The following MAP2K5 variants were observed in gnomAD, a reference collection of about 807,000 sequenced individuals.
MAP2K5 encodes the protein mitogen-activated protein kinase kinase 5, also known as dual specificity mitogen-activated protein kinase kinase 5.
MAP2K5 carries 49 observed loss-of-function variants against 83.1 expected under a neutral mutation model. That is an observed-to-expected ratio of 0.59 (90% CI 0.47 to 0.75). The LOEUF (loss-of-function observed/expected upper bound fraction) is 0.75. Ranked by LOEUF, MAP2K5 falls within the 30% of genes least tolerant of loss-of-function variation. MAP2K5 has a pLI of 0.00. For missense variants in MAP2K5, 457 were observed against 557.5 expected, an observed-to-expected ratio of 0.82 and a Z score of 1.82; for synonymous variants, 202 against 191.8, an observed-to-expected ratio of 1.05 and a Z score of -0.44.
At position 67,714,413 on chromosome 15, in the gene MAP2K5, G is replaced by GAAAA. The variant is rs2088777375; in HGVS notation, c.1044+11005_1044+11006insAAAA. ...CCCCCCACCCCTACCCAGCTGCCAG[G>GAAAA]GAAAAAAAAAAAAAAAAAAAAAAAA... On this transcript the variant is annotated intron_variant, in intron 16 of 21. Transcript: ENST00000178640. 1.4e-3 allele frequency among the ~76,000 whole-genome samples: 60 copies of GAAAA among 42,682 alleles called. 24 individuals carry two copies. Among genetic ancestry groups the GAAAA allele is most frequent in the African/African-American group, 4.5e-3 (57 of 12,740 alleles). The allele number at this position is 42,682 out of a possible 152,430, so 28.0% of individuals were successfully genotyped here. A position where few individuals can be genotyped will look rare whatever the true frequency, so the allele number is the denominator to read the frequency against.
rs1337264102 is a variant in MAP2K5 at position 67,640,259 on chromosome 15, A to G, written c.586-5972A>G. Among the ~76,000 whole-genome samples the G allele has an allele frequency of 6.6e-6, 1 of 152,162 alleles. No individual in the cohort carries two copies. Among genetic ancestry groups the G allele is most frequent in the Non-Finnish European group, 1.5e-5 (1 of 68,024 alleles). Reference sequence around the variant, plus strand: ...TGTTCTTCTGTTTGTTCTTTAGTTCATTCATCTTTTAAAGTAACATCTTGA... The same window carrying G: ...TGTTCTTCTGTTTGTTCTTTAGTTCGTTCATCTTTTAAAGTAACATCTTGA... On this transcript the variant is annotated intron_variant, in intron 9 of 21. Coordinates refer to ENST00000178640, the MANE Select transcript of MAP2K5 (RefSeq NM_145160.3). This position sits in a 1 kb window ranked among gnomAD's most constrained non-coding sequence, Gnocchi z 4.6.
chr15:67,741,486 T>C (rs1374142481), intron 17 of MAP2K5, among the ~76,000 whole-genome samples: 3 of 152,188 alleles, frequency 2.0e-5, no homozygotes, highest in Admixed American at 2.0e-4. Context: ...AGCAGGTCTC[T>C]TTTCCTCAGA....
intron 19 of MAP2K5, among the ~76,000 whole-genome samples, chr15:67,756,650 A>G (rs2089844014): frequency 6.6e-6 from 1 of 151,930 alleles, no homozygotes; most frequent in Admixed American, 6.6e-5. Flanking sequence ...TATTTATCTT[A>G]TAAAAGTAAG....
In MAP2K5 at chr15:67,748,405, A is replaced by G. The variant is rs1043184285; in HGVS notation, c.1101+148A>G. ...AACTGCCTGTATTAGATTAGGTACC[A>G]TTAGAAATAATAGAACCTCCTGAGC... On this transcript the variant is annotated intron_variant, in intron 18 of 21. Coordinates refer to ENST00000178640, the MANE Select transcript of MAP2K5 (RefSeq NM_145160.3). This position sits in a 1 kb window ranked among gnomAD's most constrained non-coding sequence, Gnocchi z 4.0. 3.6e-6 allele frequency: 3 copies of G among 825,464 alleles called. No homozygotes were observed. Among genetic ancestry groups the G allele is most frequent in the Non-Finnish European group, 5.9e-6 (3 of 508,018 alleles). The allele number at this position is 825,464 out of a possible 1,614,324, so 51.1% of individuals were successfully genotyped here. A position where few individuals can be genotyped will look rare whatever the true frequency, so the allele number is the denominator to read the frequency against.
intron 11 of MAP2K5, among the ~76,000 whole-genome samples, chr15:67,647,018 G>A (rs1304383240): frequency 3.3e-5 from 5 of 151,586 alleles, no homozygotes; most frequent in East Asian, 3.9e-4. Flanking sequence ...TGAATATTAC[G>A]GCAAAATACA....
chr15:67,667,492 TG>T (rs2141159175), intron 13 of MAP2K5, among the ~76,000 whole-genome samples: 2 of 152,220 alleles, frequency 1.3e-5, no homozygotes, highest in Admixed American at 1.3e-4. Flanking sequence ...CTGCAGGGGC[TG>T]GGGGAGCCTG....
At chr15:67,594,772 G>C (rs1246622464) in intron 7 of MAP2K5, among the ~76,000 whole-genome samples, 7 of 151,482 alleles carry the variant, frequency 4.6e-5, no homozygotes, top group Admixed American at 3.3e-4. Context: ...TTCTTTATAA[G>C]GATTAGCCTT....
chr15:67,736,286 T>G lies in MAP2K5; in HGVS notation c.1074+8341T>G, dbSNP rs112766168. On this transcript the variant is annotated intron_variant, in intron 17 of 21. Coordinates refer to ENST00000178640, the MANE Select transcript of MAP2K5 (RefSeq NM_145160.3). The surrounding 1 kb of genome is among the most constrained non-coding windows in gnomAD (Gnocchi z 4.3). ...TCATTGCATTTTAAGGTCTCTGCCCTTGAGGACAGTTGGCACATGCCCCTG... is the reference window on the plus strand; with the variant it reads ...TCATTGCATTTTAAGGTCTCTGCCCGTGAGGACAGTTGGCACATGCCCCTG... Among the ~76,000 whole-genome samples, 16 of 152,360 alleles carry G rather than the reference T, an allele frequency of 1.1e-4. No individual in the cohort carries two copies. The highest frequency in any genetic ancestry group is 1.2e-4 in the Non-Finnish European group (8 of 68,034).
chr15:67,772,930 T>C (rs942212872), intron 21 of MAP2K5, among the ~76,000 whole-genome samples, 178 bp downstream of exon 21: 2 of 152,230 alleles, frequency 1.3e-5, no homozygotes, highest in African/African-American at 4.8e-5. Context: ...TGTTTACTTT[T>C]TAAAAACCCA....
At position 67,702,053 on chromosome 15, in the gene MAP2K5, T is replaced by C. The variant is rs966540590; in HGVS notation, c.973-1284T>C. ...ATAATACCTACTTTTGCAAAATCATTATGAAGTAGAAGACCCAAAGTACCT... is the reference window on the plus strand; with the variant it reads ...ATAATACCTACTTTTGCAAAATCATCATGAAGTAGAAGACCCAAAGTACCT... On this transcript the variant is annotated intron_variant, in intron 15 of 21. Coordinates refer to ENST00000178640, the MANE Select transcript of MAP2K5 (RefSeq NM_145160.3). The surrounding 1 kb of genome is among the most constrained non-coding windows in gnomAD (Gnocchi z 4.6). Among the ~76,000 whole-genome samples the C allele has an allele frequency of 1.3e-5, 2 of 152,190 alleles. No homozygotes were observed. Among genetic ancestry groups the C allele is most frequent in the East Asian group, 1.9e-4 (1 of 5,198 alleles).
chr15:67,791,349 G>A (rs2090514834), intron 21 of MAP2K5, among the ~76,000 whole-genome samples: 1 of 152,132 alleles, frequency 6.6e-6, no homozygotes, highest in Non-Finnish European at 1.5e-5. Context: ...TGTTATGCAG[G>A]GGCTTGTTTT....
chr15:67,763,143 C>T (rs1309486285), intron 19 of MAP2K5, among the ~76,000 whole-genome samples: 1 of 152,040 alleles, frequency 6.6e-6, no homozygotes, highest in Non-Finnish European at 1.5e-5. Flanking sequence ...TCTGGTATGT[C>T]ATCTGCCAGC....
chr15:67,680,349 G>A (rs1004029431), intron 13 of MAP2K5, among the ~76,000 whole-genome samples: 2 of 152,092 alleles, frequency 1.3e-5, no homozygotes, highest in African/African-American at 4.8e-5. Context: ...AGTGGAATTG[G>A]TATATTTCTT....
At position 67,555,065 on chromosome 15, in the gene MAP2K5, G is replaced by A. The variant is rs2084597159; in HGVS notation, c.184+4983G>A. On this transcript the variant is annotated intron_variant, in intron 2 of 21. Transcript: ENST00000178640. This position sits in a 1 kb window ranked among gnomAD's most constrained non-coding sequence, Gnocchi z 5.2. ...GGAGTTAGGGCTGGATGAGGAGAGG[G>A]ACATCTGTCTGCAGAACTCACCTTT... Among the ~76,000 whole-genome samples the A allele has an allele frequency of 6.6e-6, 1 of 152,122 alleles. No homozygotes were observed. Among genetic ancestry groups the A allele is most frequent in the Non-Finnish European group, 1.5e-5 (1 of 68,028 alleles).
intron 8 of MAP2K5, among the ~76,000 whole-genome samples, chr15:67,623,951 A>G (rs944185883): frequency 4.6e-5 from 7 of 151,736 alleles, no homozygotes; most frequent in African/African-American, 1.7e-4. Context: ...GGATCCTCAC[A>G]ACTCTATAAG....
At chr15:67,743,146 G>A (rs1302072492) in intron 17 of MAP2K5, among the ~76,000 whole-genome samples, 1 of 152,196 alleles carries the variant, frequency 6.6e-6, no homozygotes, top group Non-Finnish European at 1.5e-5. Context: ...GGGATATGTA[G>A]TTTTTGCTTT....
intron 9 of MAP2K5, among the ~76,000 whole-genome samples, chr15:67,642,265 A>G (rs982339509): frequency 4.6e-5 from 7 of 152,214 alleles, no homozygotes; most frequent in African/African-American, 1.4e-4. Context: ...TTATAGTTGT[A>G]AAGACTTGAG....
rs1442883604 is a variant in MAP2K5 at position 67,576,733 on chromosome 15, T to C, written c.253-4021T>C. Among the ~76,000 whole-genome samples the C allele has an allele frequency of 7.5e-5, 11 of 147,600 alleles. 1 individual carries two copies. Among genetic ancestry groups the C allele is most frequent in the African/African-American group, 2.7e-4 (11 of 40,746 alleles). On this transcript the variant is annotated intron_variant, in intron 3 of 21. Transcript: ENST00000178640. The stretch of plus-strand genomic sequence containing the variant: ...TATTCAGTTTGGACACAATATTTCA[T>C]ACTCTATATAATTATTTCTGCATTT...
chr15:67,726,828 C>T (rs935720897), intron 16 of MAP2K5, among the ~76,000 whole-genome samples: 1 of 152,224 alleles, frequency 6.6e-6, no homozygotes, highest in African/African-American at 2.4e-5. Flanking sequence ...GATGTCAGGA[C>T]TGAGGATTGG....
Sources: allele counts gnomAD v4.1 joint callset (sites outside exome capture counted in the v4.1 genomes callset), GRCh38; gene constraint gnomAD v4.1.1; non-coding constraint Gnocchi (gnomAD v3.1); transcripts MANE v1.5; gene names NCBI Gene and HGNC (gene_info 2026-07-23, HGNC 2026-07-21).